The following ESYT2 variants were observed in gnomAD, a reference collection of about 807,000 sequenced individuals.
The protein encoded by ESYT2 is extended synaptotagmin 2.
A neutral mutation model predicts 107.2 loss-of-function variants in ESYT2; 54 were observed. The ratio of observed to expected loss-of-function variants is 0.50; its 90% CI spans 0.40 to 0.63. ESYT2 has a LOEUF of 0.63. Among genes scored for constraint, ESYT2 ranks in the 30% least tolerant of loss-of-function variants. The pLI, the probability that ESYT2 is intolerant of heterozygous loss-of-function variation, is 0.00. For missense variants in ESYT2, 1,020 were observed against 1,094.5 expected, an observed-to-expected ratio of 0.93 and a Z score of 0.96; for synonymous variants, 491 against 434.1, an observed-to-expected ratio of 1.13 and a Z score of -1.63.
At chr7:158,806,187 C>CGCA (rs1839829966) in intron 1 of ESYT2, among the ~76,000 whole-genome samples, 1 of 148,634 alleles carries the variant, frequency 6.7e-6, no homozygotes, top group South Asian at 2.1e-4. Flanking sequence ...GAGGCACTGG[C>CGCA]CTTGAGAGGG....
chr7:158,808,239 G>A (rs1185555179), intron 1 of ESYT2, among the ~76,000 whole-genome samples: 2 of 152,154 alleles, frequency 1.3e-5, no homozygotes, highest in African/African-American at 2.4e-5. Flanking sequence ...CAAACAATTC[G>A]TCAGTTTTAA....
At chr7:158,796,681 G>A (rs1452534216) in intron 3 of ESYT2, among the ~76,000 whole-genome samples, 6 of 152,224 alleles carry the variant, frequency 3.9e-5, no homozygotes, top group Non-Finnish European at 7.3e-5. Flanking sequence ...ACGGCACCGC[G>A]GACAAGAAGG....
chr7:158,774,217 C>T (rs765190907), intron 6 of ESYT2, among the ~76,000 whole-genome samples: 9 of 152,176 alleles, frequency 5.9e-5, no homozygotes, highest in Non-Finnish European at 1.3e-4. Flanking sequence ...TTTTTGGTTG[C>T]AATCCCTTTT....
In ESYT2 at chr7:158,804,351, C is replaced by A. The variant is rs544187628; in HGVS notation, c.331-5279G>T. On this transcript the variant is annotated intron_variant, in intron 1 of 22. Coordinates refer to ENST00000275418, the MANE Select transcript of ESYT2 (RefSeq NM_001367773.1). ...CCAAACCGCCGAGAAGGGTGAGGCG[C>A]GTGACAAACCCAAACCGTTGAGAAG... is the stretch of plus-strand genomic sequence containing the variant. 9.4e-4 allele frequency among the ~76,000 whole-genome samples: 133 copies of A among 141,836 alleles called. 9 individuals carry two copies. Among genetic ancestry groups the A allele is most frequent in the Non-Finnish European group, 1.8e-3 (118 of 65,766 alleles). The allele number at this position is 141,836 out of a possible 152,430, so 93.0% of individuals were successfully genotyped here.
rs1359941444 is a variant in ESYT2, at chr7:158,760,246, A to G, written c.1234-99T>C. On this transcript the variant is annotated intron_variant, in intron 11 of 22. Coordinates refer to ENST00000275418, the MANE Select transcript of ESYT2 (RefSeq NM_001367773.1). ...AAATGTTCCATGCTGCTCACTAACC[A>G]CGAGGCATCAACAGTTCTCAGTAAC... 12 of 1,030,436 alleles carry G rather than the reference A, an allele frequency of 1.2e-5. No homozygotes were observed. In the Admixed American group the frequency reaches 2.1e-4, roughly 18 times the overall value. The allele number at this position is 1,030,436 out of a possible 1,614,324, so 63.8% of individuals were successfully genotyped here.
intron 1 of ESYT2, among the ~76,000 whole-genome samples, chr7:158,812,818 C>T (rs529988903): frequency 1.3e-5 from 2 of 152,120 alleles, no homozygotes; most frequent in East Asian, 3.9e-4. Context: ...CTGAAAGAAG[C>T]CACACATAAA....
In ESYT2 at chr7:158,737,056, A is replaced by G. The variant is rs1009955193; in HGVS notation, c.2391T>C (p.Phe797=). ...TGGATAAAATACCGTACCTTTGATC[A>G]AACACTGGATTTAATGTTTTCTTTG... ...HVSKKTLNPV[F]DQSFDFSVSL... Residue 797 remains phenylalanine (F), a synonymous_variant, in exon 20 of 23, where the codon TTT becomes TTC. Transcript: ENST00000275418. The G allele has an allele frequency of 6.2e-7, 1 of 1,613,464 alleles. No individual in the cohort carries two copies. The highest frequency in any genetic ancestry group is 8.5e-7 in the Non-Finnish European group (1 of 1,179,486).
chr7:158,797,916 G>T (rs759388186), intron 3 of ESYT2, 26 bp downstream of exon 3: 82 of 1,608,552 alleles, frequency 5.1e-5, no homozygotes, highest in Non-Finnish European at 6.7e-5. Flanking sequence ...CTGTGTGCAC[G>T]TGAGGATACT....
chr7:158,787,654 A>T (rs1839156627), intron 6 of ESYT2, among the ~76,000 whole-genome samples: 1 of 152,238 alleles, frequency 6.6e-6, no homozygotes, highest in African/African-American at 2.4e-5. Flanking sequence ...AGTAAGAGAA[A>T]ACAATGTTAA....
At chr7:158,804,632 G>GT (rs1839768760) in intron 1 of ESYT2, among the ~76,000 whole-genome samples, 1 of 151,100 alleles carries the variant, frequency 6.6e-6, no homozygotes, top group South Asian at 2.1e-4. Flanking sequence ...GGTGAGGCGC[G>GT]TGACAAACCC....
intron 13 of ESYT2, among the ~76,000 whole-genome samples, chr7:158,759,216 TAGAG>T (rs749150152): frequency 6.6e-6 from 1 of 152,244 alleles, no homozygotes; most frequent in African/African-American, 2.4e-5. Context: ...AGTGATTTTC[TAGAG>T]AGTTAACCTC....
At chr7:158,826,018 C>A (rs1441349940) in intron 1 of ESYT2, among the ~76,000 whole-genome samples, 1 of 134,406 alleles carries the variant, frequency 7.4e-6, no homozygotes, top group Admixed American at 7.1e-5. Flanking sequence ...GAACTCATCT[C>A]TAGAAAAAAA....
intron 3 of ESYT2, 131 bp from the exon 4 acceptor site, chr7:158,793,857 A>G: frequency 1.4e-6 from 1 of 735,688 alleles, no homozygotes. Context: ...TTCTGCCTTC[A>G]TAACAGAGTG....
Position 158,829,147 on chromosome 7 carries a change from A to G in ESYT2, c.272T>C (p.Leu91Pro). 1 of 1,563,120 alleles carries G rather than the reference A, an allele frequency of 6.4e-7. No individual in the cohort carries two copies. The highest frequency in any genetic ancestry group is 1.4e-5 in the African/African-American group (1 of 72,628). ...ALRLCRALAL[L>P]EDEERVVRLG... ...GCGCACGACGCGCTCCTCGTCTTCC[A>G]GCAGCGCCAGCGCGCGGCACAGGCG... The change falls in exon 1 of 23, where the codon CTG becomes CCG. Residue 91 changes from leucine to proline, a missense_variant. By Grantham distance (98) the Leu-to-Pro change is moderately conservative (BLOSUM62 -3). Transcript: ENST00000275418.
At chr7:158,784,059 G>A (rs1839022377) in intron 6 of ESYT2, among the ~76,000 whole-genome samples, 1 of 151,396 alleles carries the variant, frequency 6.6e-6, no homozygotes, top group African/African-American at 2.4e-5. Context: ...CAAGGCACAG[G>A]GAGGAGGAGG....
chr7:158,735,316 TAACTTAAAATATC>T (rs1836890730), intron 21 of ESYT2, among the ~76,000 whole-genome samples, 174 bp downstream of exon 21: 1 of 152,232 alleles, frequency 6.6e-6, no homozygotes, highest in South Asian at 2.1e-4. Context: ...TGTGAAGACT[TAACTTAAAATATC>T]TTCAGAAAGC....
chr7:158,816,831 A>G (rs1251867651), intron 1 of ESYT2, among the ~76,000 whole-genome samples: 3 of 152,374 alleles, frequency 2.0e-5, no homozygotes, highest in Admixed American at 6.5e-5. Flanking sequence ...ATGTGTGAAA[A>G]AATAAGTAGG....
At position 158,788,339 on chromosome 7, in the gene ESYT2, A is replaced by C; in HGVS notation, c.657+6T>G. 1 of 1,601,776 alleles carries C rather than the reference A, an allele frequency of 6.2e-7. No homozygotes were observed. Among genetic ancestry groups the C allele is most frequent in the Non-Finnish European group, 8.5e-7 (1 of 1,176,494 alleles). On this transcript the variant is annotated splice_donor_region_variant and intron_variant, in intron 5 of 22. Coordinates refer to ENST00000275418, the MANE Select transcript of ESYT2 (RefSeq NM_001367773.1). ...TCAAATTAAAACAAAAAAACAAAAA[A>C]CTTACCTGGATACTTTTCACACCAG...
At chr7:158,818,487 A>T (rs1462806257) in intron 1 of ESYT2, among the ~76,000 whole-genome samples, 1 of 152,242 alleles carries the variant, frequency 6.6e-6, no homozygotes, top group Non-Finnish European at 1.5e-5. Flanking sequence ...AACAGAAACA[A>T]AGAAAAACCC....
Sources: allele counts gnomAD v4.1 joint callset (sites outside exome capture counted in the v4.1 genomes callset), GRCh38; gene constraint gnomAD v4.1.1; transcripts MANE v1.5; gene names NCBI Gene and HGNC (gene_info 2026-07-23, HGNC 2026-07-21).